MCM3AP: variants seen among roughly 807,000 people sequenced by gnomAD.
The protein encoded by MCM3AP is germinal-center associated nuclear protein.
Under a neutral mutation model 184.1 loss-of-function variants are expected in MCM3AP, and 126 were observed. The ratio of observed to expected loss-of-function variants is 0.68; its 90% CI spans 0.59 to 0.79. The LOEUF (loss-of-function observed/expected upper bound fraction) is 0.79, where lower values mean the gene tolerates loss of function less well. Among genes scored for constraint, MCM3AP ranks in the 30% least tolerant of loss-of-function variants. MCM3AP has a pLI of 0.00. For missense variants in MCM3AP, 2,496 were observed against 2,479.2 expected (o/e 1.01, Z -0.14); for synonymous variants, 1,002 against 979.3 (o/e 1.02, Z -0.43).
At chr21:46,251,881 CTT>C (rs754670172) in intron 19 of MCM3AP, 199 bp from the exon 20 acceptor site, 3,369 of 127,410 alleles carry the variant, frequency 0.026, 11 homozygotes, top group Middle Eastern at 0.062. Context: ...TGTACTCGTT[CTT>C]TTTTTTTTTT....
In MCM3AP at chr21:46,260,939, T is replaced by C. The variant is rs751854181; in HGVS notation, c.3468-33A>G. 2.0e-6 allele frequency: 3 copies of C among 1,467,252 alleles called. No homozygotes were observed. The Admixed American group carries it at 5.0e-5, about 25-fold the overall frequency. 90.9% of individuals were successfully genotyped at this position (1,467,252 alleles called of 1,614,324 possible). A position where few individuals can be genotyped will look rare whatever the true frequency, so the allele number is the denominator to read the frequency against. On this transcript the variant is annotated intron_variant, in intron 14 of 27. Transcript: ENST00000291688. The stretch of plus-strand genomic sequence containing the variant: ...GAAGAGAAAAAATACACAAGGGTAA[T>C]GTTTAAGAATAAAAATAAGTGCTGT...
chr21:46,254,320 CGGCCCT>C (rs2080914572), intron 19 of MCM3AP, 66 bp downstream of exon 19: 1 of 1,563,486 alleles, frequency 6.4e-7, no homozygotes, highest in African/African-American at 1.3e-5. Flanking sequence ...GAGGAATACC[CGGCCCT>C]GGCCCACAAC....
rs2081125200 is a variant in MCM3AP, at chr21:46,267,238, C to A, written c.2629-96G>T. On this transcript the variant is annotated intron_variant, in intron 9 of 27. Transcript: ENST00000291688. ...CCACAGCCATGGCCAGCGTGGGGCA[C>A]ATGGGCTCCTCCTGGGCTGAGTCCA... The A allele has an allele frequency of 5.9e-6, 7 of 1,195,076 alleles. No individual in the cohort carries two copies. The East Asian group carries it at 1.8e-4, about 30-fold the overall frequency. 74.0% of individuals were successfully genotyped at this position (1,195,076 alleles called of 1,614,324 possible).
chr21:46,283,960 C>T (rs1244619291), intron 1 of MCM3AP, 108 bp downstream of exon 1: 6 of 1,543,162 alleles, frequency 3.9e-6, no homozygotes, highest in Non-Finnish European at 4.4e-6. Context: ...TGTTAGAATC[C>T]CTAATGTTTA....
chr21:46,263,780 CAAAAAAAAAAAAAAAAAA>C (rs57674256), intron 13 of MCM3AP, among the ~76,000 whole-genome samples: 4 of 28,318 alleles, frequency 1.4e-4, no homozygotes, highest in African/African-American at 3.6e-4. Context: ...GACTCCATCT[CAAAAAAAAAAAAAAAAAA>C]AAAAAAAAAA....
chr21:46,279,972 A>G, intron 4 of MCM3AP, 21 bp downstream of exon 4: 1 of 1,605,126 alleles, frequency 6.2e-7, no homozygotes, highest in Non-Finnish European at 8.5e-7. Context: ...GAATAAGGTC[A>G]TTAGGAGGGA....
intron 2 of MCM3AP, among the ~76,000 whole-genome samples, chr21:46,281,729 G>C (rs1023913561): frequency 3.9e-5 from 6 of 152,158 alleles, no homozygotes; most frequent in Admixed American, 2.6e-4. Context: ...GGCCAGGCAT[G>C]GTGGCTCACG....
chr21:46,267,041 G>A lies in MCM3AP; in HGVS notation c.2730C>T (p.Phe910=). The A allele has an allele frequency of 3.1e-6, 5 of 1,614,206 alleles. No individual in the cohort carries two copies. Among genetic ancestry groups the A allele is most frequent in the Non-Finnish European group, 4.2e-6 (5 of 1,180,048 alleles). ...PLDGVVRMLL[F]RDCEEATDFL... is the part of the protein sequence containing the mutation. ...AGTCGGTGGCCTCTTCACAGTCTCT[G>A]AACAGCAGCATGCGCACCACACCAT... Residue 910 remains phenylalanine (F), a synonymous_variant, in exon 10 of 28, where the codon TTC becomes TTT. Transcript: ENST00000291688.
Position 46,275,216 on chromosome 21 carries a change from G to A in MCM3AP, c.1968C>T (p.Ser656=), listed in dbSNP as rs534696205. ...CAGTCCCTGGGACCACTTCGAACAC[G>A]CTCAGCTGGCTACGGGTCTCCCGCA... is the stretch of plus-strand genomic sequence containing the variant. ...RYMRETRSQL[S]VFEVVPGTDQ... The change falls in exon 6 of 28, where the codon AGC becomes AGT. Residue 656 remains serine (S), a synonymous_variant. Coordinates refer to ENST00000291688, the MANE Select transcript of MCM3AP (RefSeq NM_003906.5). 2.6e-4 allele frequency: 415 copies of A among 1,613,834 alleles called. 2 individuals are homozygous for A. The South Asian group carries it at 4.1e-3, about 16-fold the overall frequency.
intron 9 of MCM3AP, 80 bp from the exon 10 acceptor site, chr21:46,267,222 T>G: frequency 7.2e-7 from 1 of 1,392,442 alleles, no homozygotes; most frequent in South Asian, 1.3e-5. Context: ...ACCACAGCCA[T>G]GGCCAGCGTG....
At chr21:46,272,155 A>G (rs551846517) in intron 8 of MCM3AP, among the ~76,000 whole-genome samples, 37 of 151,048 alleles carry the variant, frequency 2.4e-4, no homozygotes, top group African/African-American at 8.7e-4. Context: ...TTTGTTTTAC[A>G]TAATTTTTTC....
intron 2 of MCM3AP, among the ~76,000 whole-genome samples, chr21:46,281,970 G>A (rs568765974): frequency 5.9e-5 from 9 of 152,092 alleles, no homozygotes; most frequent in South Asian, 2.1e-4. Context: ...TACAATACAG[G>A]CTGGGAGACA....
chr21:46,266,090 T>C lies in MCM3AP; in HGVS notation c.2866A>G (p.Arg956Gly), dbSNP rs765327082. The part of the protein sequence containing the change: ...SKTRKSVFIT[R>G]KLTVSVGEIV... ...TCCCCGACTGACACCGTCAGCTTCC[T>C]AGTAATAAACACCGACTTCCTGGTC... The change falls in exon 11 of 28, where the codon AGG (arginine) becomes GGG (glycine). Residue 956 changes from arginine to glycine, a missense_variant. Around this residue, in one of 5 missense-constraint regions of MCM3AP, gnomAD observed 138 missense variants for 191.9 expected, o/e 0.72. Coordinates refer to ENST00000291688, the MANE Select transcript of MCM3AP (RefSeq NM_003906.5). 4 of 1,612,454 alleles carry C rather than the reference T, an allele frequency of 2.5e-6. No individual in the cohort carries two copies. In the East Asian group the frequency reaches 6.7e-5, roughly 27 times the overall value.
intron 9 of MCM3AP, among the ~76,000 whole-genome samples, chr21:46,269,381 A>C (rs1331076580): frequency 6.6e-6 from 1 of 152,132 alleles, no homozygotes; most frequent in Non-Finnish European, 1.5e-5. Flanking sequence ...AAGTTTGCCA[A>C]GGTGCCAGGA....
Position 46,285,503 on chromosome 21 carries a change from A to C in MCM3AP, c.-217T>G. ...GGATAACTATTTCAAAGGCAGGCAA[A>C]GGGTTATTATTTTCTGAGAGCCGAT... On this transcript the variant is annotated 5_prime_UTR_variant, in exon 1 of 28. Coordinates refer to ENST00000291688, the MANE Select transcript of MCM3AP (RefSeq NM_003906.5). 1.8e-6 allele frequency: 1 copy of C among 553,708 alleles called. No individual in the cohort carries two copies. Among genetic ancestry groups the C allele is most frequent in the East Asian group, 3.0e-5 (1 of 33,420 alleles). 34.3% of individuals were successfully genotyped at this position (553,708 alleles called of 1,614,324 possible). A position where few individuals can be genotyped will look rare whatever the true frequency, so the allele number is the denominator to read the frequency against.
At chr21:46,266,344 G>A (rs897494009) in intron 10 of MCM3AP, 178 bp from the exon 11 acceptor site, 17 of 588,034 alleles carry the variant, frequency 2.9e-5, no homozygotes, top group Non-Finnish European at 5.7e-6. Flanking sequence ...TAGGTCCCTA[G>A]AACCACTAAG....
chr21:46,267,393 A>G (rs2081126930), intron 9 of MCM3AP: 9 of 464,356 alleles, frequency 1.9e-5, no homozygotes, highest in Non-Finnish European at 3.1e-5. Context: ...GGTTTTATTC[A>G]TAAGAGAAAT....
At chr21:46,282,553 C>A (rs956608001) in intron 2 of MCM3AP, among the ~76,000 whole-genome samples, 3 of 152,086 alleles carry the variant, frequency 2.0e-5, no homozygotes, top group Admixed American at 6.5e-5. Context: ...GCCTGTAATC[C>A]CAGCACTTTG....
chr21:46,257,794 G>A (rs974975470), intron 16 of MCM3AP, among the ~76,000 whole-genome samples: 43 of 151,972 alleles, frequency 2.8e-4, no homozygotes, highest in African/African-American at 9.2e-4. Flanking sequence ...GCATGGTGGC[G>A]CACGCCTGTA....
Sources: allele counts gnomAD v4.1 joint callset (sites outside exome capture counted in the v4.1 genomes callset), GRCh38; gene constraint gnomAD v4.1.1; regional missense constraint gnomAD v4.1.1; transcripts MANE v1.5; gene names NCBI Gene and HGNC (gene_info 2026-07-23, HGNC 2026-07-21).